The following PDGFC variants were observed in gnomAD, a reference collection of about 807,000 sequenced individuals.
The protein encoded by PDGFC is platelet derived growth factor C.
PDGFC carries 12 observed loss-of-function variants against 35.5 expected under a neutral mutation model. The observed-to-expected ratio is 0.34, with a 90% CI of 0.22 to 0.55. The LOEUF (loss-of-function observed/expected upper bound fraction) is 0.55. Among genes scored for constraint, PDGFC ranks in the 20% least tolerant of loss-of-function variants. The pLI, the probability that PDGFC is intolerant of heterozygous loss-of-function variation, is 0.91. For synonymous variants in PDGFC, 159 were observed against 148.8 expected, an observed-to-expected ratio of 1.07 and a Z score of -0.50; for missense variants, 322 against 412.4, an observed-to-expected ratio of 0.78 and a Z score of 1.90.
At chr4:156,942,328 G>C (rs374907188) in intron 1 of PDGFC, among the ~76,000 whole-genome samples, 3 of 151,970 alleles carry the variant, frequency 2.0e-5, no homozygotes, top group African/African-American at 4.8e-5. Context: ...TATTTTTCTA[G>C]CTTATCTTCT....
intron 1 of PDGFC, among the ~76,000 whole-genome samples, chr4:156,946,910 C>T (rs1731962880): frequency 6.6e-6 from 1 of 151,946 alleles, no homozygotes; most frequent in South Asian, 2.1e-4. Context: ...CTTAGGAATG[C>T]TTGAAATAAT....
rs142079359 is a variant in PDGFC at position 156,859,067 on chromosome 4, T to C, written c.119-8651A>G. On this transcript the variant is annotated intron_variant, in intron 1 of 5. Transcript: ENST00000502773. Reference sequence around the variant, plus strand: ...TAACCAAAACAAATTTACTATTTCATAGAAAAAATGCAAATAAGCCCATCA... The same window carrying C: ...TAACCAAAACAAATTTACTATTTCACAGAAAAAATGCAAATAAGCCCATCA... Among the ~76,000 whole-genome samples, 548 of 152,152 alleles carry C rather than the reference T, an allele frequency of 3.6e-3. 4 individuals carry two copies. Among genetic ancestry groups the C allele is most frequent in the Non-Finnish European group, 5.0e-3 (342 of 67,930 alleles).
chr4:156,882,308 G>A (rs1444483268), intron 1 of PDGFC, among the ~76,000 whole-genome samples: 2 of 152,062 alleles, frequency 1.3e-5, no homozygotes, highest in Non-Finnish European at 2.9e-5. Context: ...AGTATTTTAA[G>A]ATAAACAAAT....
intron 1 of PDGFC, chr4:156,967,613 G>C (rs1325657209): frequency 1.3e-5 from 2 of 152,178 alleles, no homozygotes; most frequent in African/African-American, 4.8e-5. Context: ...CAACAACTTT[G>C]TCATTGACAT....
At chr4:156,864,944 T>C (rs906772214) in intron 1 of PDGFC, among the ~76,000 whole-genome samples, 7 of 152,116 alleles carry the variant, frequency 4.6e-5, no homozygotes, top group Non-Finnish European at 8.8e-5. Flanking sequence ...TTTGAGAATC[T>C]GATGAAAGCT....
intron 2 of PDGFC, among the ~76,000 whole-genome samples, chr4:156,814,277 G>C (rs1179204669): frequency 6.6e-6 from 1 of 152,102 alleles, no homozygotes; most frequent in Non-Finnish European, 1.5e-5. Context: ...AGGAATTCGA[G>C]GAAACAGTAA....
intron 2 of PDGFC, among the ~76,000 whole-genome samples, chr4:156,821,165 TTGTATGTGTGTGTGTGTGTGTGTGTG>T (rs1732243963): frequency 8.5e-6 from 1 of 118,086 alleles, no homozygotes; most frequent in Non-Finnish European, 1.6e-5. Context: ...ATGTTGCCTG[TTGTATGTGTGTGTGTGTGTGTGTGTG>T]TGTATGTGTG....
At chr4:156,875,721 C>G (rs944247378) in intron 1 of PDGFC, among the ~76,000 whole-genome samples, 5 of 152,074 alleles carry the variant, frequency 3.3e-5, no homozygotes, top group Non-Finnish European at 5.9e-5. Context: ...AGTTTGAGAA[C>G]AGACTGGCCA....
chr4:156,808,490 A>C (rs1731833415), intron 3 of PDGFC, among the ~76,000 whole-genome samples: 3 of 152,014 alleles, frequency 2.0e-5, no homozygotes, highest in Admixed American at 2.0e-4. Flanking sequence ...TAAAAGCATC[A>C]GAGATGATCC....
At chr4:156,774,482 A>C (rs1421021306) in intron 3 of PDGFC, 2 of 152,132 alleles carry the variant, frequency 1.3e-5, no homozygotes, top group African/African-American at 4.8e-5. Flanking sequence ...TGGCTTGAAG[A>C]GCAGAAGCTG....
At chr4:156,857,612 G>A (rs1729612806) in intron 1 of PDGFC, among the ~76,000 whole-genome samples, 1 of 152,068 alleles carries the variant, frequency 6.6e-6, no homozygotes, top group Non-Finnish European at 1.5e-5. Flanking sequence ...ATGCAATGAA[G>A]GAATGTTAAT....
intron 1 of PDGFC, among the ~76,000 whole-genome samples, chr4:156,890,929 G>A (rs568850716): frequency 5.1e-4 from 78 of 152,168 alleles, no homozygotes; most frequent in Non-Finnish European, 9.1e-4. Flanking sequence ...GTGTGTGTGT[G>A]TATATACATT....
intron 2 of PDGFC, among the ~76,000 whole-genome samples, chr4:156,819,879 T>C (rs1441252285): frequency 2.0e-5 from 3 of 152,214 alleles, no homozygotes; most frequent in Admixed American, 2.0e-4. Context: ...CCATTAACAA[T>C]ATTCATGATT....
intron 2 of PDGFC, among the ~76,000 whole-genome samples, chr4:156,819,903 C>T (rs1238195266): frequency 1.3e-5 from 2 of 152,122 alleles, no homozygotes; most frequent in African/African-American, 4.8e-5. Flanking sequence ...GGGAGGAGGT[C>T]AACATATCAA....
At chr4:156,856,598 G>A (rs1346682021) in intron 1 of PDGFC, among the ~76,000 whole-genome samples, 1 of 152,086 alleles carries the variant, frequency 6.6e-6, no homozygotes, top group African/African-American at 2.4e-5. Flanking sequence ...ATTCCTAGAA[G>A]GTCAGCTGTA....
intron 2 of PDGFC, among the ~76,000 whole-genome samples, chr4:156,824,333 C>CACAT (rs1732376718): frequency 1.2e-5 from 1 of 84,862 alleles, no homozygotes; most frequent in South Asian, 5.2e-4. Context: ...TATATACACA[C>CACAT]ACACACACAC....
At chr4:156,802,428 G>T (rs548618316) in intron 3 of PDGFC, among the ~76,000 whole-genome samples, 4 of 152,156 alleles carry the variant, frequency 2.6e-5, no homozygotes, top group African/African-American at 9.6e-5. Context: ...CTAAAAATCT[G>T]TTAATGAAAT....
At chr4:156,897,625 A>G (rs1329807567) in intron 1 of PDGFC, among the ~76,000 whole-genome samples, 1 of 152,168 alleles carries the variant, frequency 6.6e-6, no homozygotes, top group Non-Finnish European at 1.5e-5. Context: ...TAAATGTTAA[A>G]CCTACATAGA....
chr4:156,912,048 T>A (rs1370763025), intron 1 of PDGFC, among the ~76,000 whole-genome samples: 1 of 152,078 alleles, frequency 6.6e-6, no homozygotes, highest in Admixed American at 6.6e-5. Context: ...AAAGTTTTCT[T>A]AGGACTTAGA....
Sources: allele counts gnomAD v4.1 joint callset (sites outside exome capture counted in the v4.1 genomes callset), GRCh38; gene constraint gnomAD v4.1.1; transcripts MANE v1.5; gene names NCBI Gene and HGNC (gene_info 2026-07-23, HGNC 2026-07-21).